TRAF3IP2: variants seen among roughly 807,000 people sequenced by gnomAD.
TRAF3IP2 encodes the protein E3 ubiquitin ligase TRAF3IP2.
In TRAF3IP2, 35 loss-of-function variants were observed where a neutral mutation model predicts 57.9. The observed-to-expected ratio is 0.60, with a 90% CI of 0.46 to 0.80. TRAF3IP2 has a LOEUF of 0.80. Ranked by LOEUF, TRAF3IP2 falls within the 30% of genes least tolerant of loss-of-function variation. The pLI is 0.00. For synonymous variants in TRAF3IP2, 251 were observed against 268.9 expected (o/e 0.93, Z 0.65); for missense variants, 556 against 706.4 (o/e 0.79, Z 2.41).
At chr6:111,577,573 T>C (rs1796027134) in intron 3 of TRAF3IP2, among the ~76,000 whole-genome samples, 1 of 150,834 alleles carries the variant, frequency 6.6e-6, no homozygotes, top group Non-Finnish European at 1.5e-5. Flanking sequence ...ATTATTTTGG[T>C]AGAGATGGGA....
intron 3 of TRAF3IP2, among the ~76,000 whole-genome samples, chr6:111,578,903 A>C (rs1173590215): frequency 1.3e-5 from 2 of 152,244 alleles, no homozygotes; most frequent in African/African-American, 4.8e-5. Flanking sequence ...CTTTTGAGCA[A>C]AAGTAAACAT....
At chr6:111,605,417 CTT>C (rs1796989078) in intron 1 of TRAF3IP2, among the ~76,000 whole-genome samples, 2 of 152,370 alleles carry the variant, frequency 1.3e-5, no homozygotes, top group African/African-American at 2.4e-5. Context: ...CTGGCTCTCT[CTT>C]TGGAGAAGTG....
At chr6:111,595,638 G>C (rs925606885) in intron 1 of TRAF3IP2, among the ~76,000 whole-genome samples, 1 of 152,042 alleles carries the variant, frequency 6.6e-6, no homozygotes. Flanking sequence ...GACCAGCCTG[G>C]CCAACATGGT....
At chr6:111,567,334 C>A in intron 6 of TRAF3IP2, 1 of 1,143,948 alleles carries the variant, frequency 8.7e-7, no homozygotes. Flanking sequence ...TCTCCCCACT[C>A]TCCGCCTTCA....
At chr6:111,601,404 A>G (rs536613921) in intron 1 of TRAF3IP2, 1 of 490,224 alleles carries the variant, frequency 2.0e-6, no homozygotes, top group Non-Finnish European at 3.7e-6. Flanking sequence ...TGGTTGACAG[A>G]GCACCAACAA....
chr6:111,591,268 G>A lies in TRAF3IP2; in HGVS notation c.819C>T (p.His273=), dbSNP rs144405088. 3.3e-5 allele frequency: 49 copies of A among 1,487,604 alleles called. 1 individual carries two copies. The South Asian group carries it at 6.8e-4, about 21-fold the overall frequency. The allele number at this position is 1,487,604 out of a possible 1,614,324, so 92.2% of individuals were successfully genotyped here. A position where few individuals can be genotyped will look rare whatever the true frequency, so the allele number is the denominator to read the frequency against. ...GTAAAGATCACTTACATGGCACCTGGTGATCGGGACTTCCAGGACAATGGT... is the reference window on the plus strand; with the variant it reads ...GTAAAGATCACTTACATGGCACCTGATGATCGGGACTTCCAGGACAATGGT... ...YHYHCPGSPD[H]QVPYGHDYPR... The change falls in exon 2 of 9, where the codon CAC becomes CAT. Residue 273 remains histidine, a synonymous_variant. Transcript: ENST00000368761. This position sits in a 1 kb window ranked among gnomAD's most constrained non-coding sequence, Gnocchi z 4.9.
intron 2 of TRAF3IP2, among the ~76,000 whole-genome samples, chr6:111,585,350 G>A (rs566765970): frequency 1.4e-5 from 2 of 141,862 alleles, no homozygotes; most frequent in Admixed American, 1.4e-4. Context: ...AAAAAAAATG[G>A]CTTTTCCAAG....
intron 4 of TRAF3IP2, 119 bp downstream of exon 4, chr6:111,575,523 GC>G (rs1417176466): frequency 8.7e-7 from 1 of 1,149,256 alleles, no homozygotes; most frequent in Non-Finnish European, 1.2e-6. Flanking sequence ...GGGAGGCGGA[GC>G]TTGCAGTGAG....
At chr6:111,581,502 CT>C (rs1274568501) in intron 2 of TRAF3IP2, among the ~76,000 whole-genome samples, 2 of 152,176 alleles carry the variant, frequency 1.3e-5, no homozygotes, top group Non-Finnish European at 2.9e-5. Context: ...TATTTTGATT[CT>C]TTTAAGATCA....
chr6:111,562,801 C>T (rs1004162324), intron 8 of TRAF3IP2, among the ~76,000 whole-genome samples, 164 bp downstream of exon 8: 1 of 150,298 alleles, frequency 6.7e-6, no homozygotes, highest in South Asian at 2.1e-4. Context: ...GCCAAGGTCA[C>T]GCCATTGCAC....
intron 2 of TRAF3IP2, among the ~76,000 whole-genome samples, chr6:111,589,681 C>A (rs2128381429): frequency 6.6e-6 from 1 of 152,264 alleles, no homozygotes; most frequent in South Asian, 2.1e-4. Context: ...CTTACACCCT[C>A]CTGCTTCCCC....
Position 111,591,800 on chromosome 6 carries a change from C to A in TRAF3IP2, c.287G>T (p.Cys96Phe). 1 of 1,614,262 alleles carries A rather than the reference C, an allele frequency of 6.2e-7. No homozygotes were observed. Among genetic ancestry groups the A allele is most frequent in the Non-Finnish European group, 8.5e-7 (1 of 1,180,050 alleles). ...TTTGCCCAGGCCTGGGTGTCTCCTG[C>A]AGAAACTGTCTTCACTGTCCTCCAG... The part of the protein sequence containing the change: ...QVLEDSEDSF[C>F]RRHPGLGKAF... Residue 96 changes from cysteine (C) to phenylalanine (F), a missense_variant, in exon 2 of 9, where the codon TGC (cysteine) becomes TTC (phenylalanine). By Grantham distance (205) the Cys-to-Phe change is radical. This residue lies in a region of TRAF3IP2 where 428 missense variants were observed against 498.7 expected (regional missense o/e 0.86). Transcript: ENST00000368761. The surrounding 1 kb of genome is among the most constrained non-coding windows in gnomAD (Gnocchi z 4.9).
chr6:111,575,846 A>G, intron 3 of TRAF3IP2, 25 bp from the exon 4 acceptor site: 1 of 1,601,446 alleles, frequency 6.2e-7, no homozygotes, highest in Non-Finnish European at 8.5e-7. Context: ...ATTTACAGTC[A>G]ATTTTCATTC....
intron 1 of TRAF3IP2, among the ~76,000 whole-genome samples, chr6:111,602,569 T>C (rs1796908283): frequency 6.6e-6 from 1 of 152,116 alleles, no homozygotes; most frequent in Admixed American, 6.5e-5. Flanking sequence ...GGAGAGACAC[T>C]TATTTACTTG....
chr6:111,591,523 T>C lies in TRAF3IP2; in HGVS notation c.564A>G (p.Ala188=). 1.2e-6 allele frequency: 2 copies of C among 1,614,038 alleles called. No homozygotes were observed. The highest frequency in any genetic ancestry group is 1.7e-6 in the Non-Finnish European group (2 of 1,179,896). ...TGTCTATGGTTGGCAGATCCAGGCC[T>C]GCTCGGTTCCTGTGAGGCTGGGGCC... is the stretch of plus-strand genomic sequence containing the variant. ...VQRPQPHRNR[A]GLDLPTIDTG... The change falls in exon 2 of 9, where the codon GCA becomes GCG. Residue 188 remains alanine (A), a synonymous_variant. Transcript: ENST00000368761. This position sits in a 1 kb window ranked among gnomAD's most constrained non-coding sequence, Gnocchi z 4.9.
intron 1 of TRAF3IP2, among the ~76,000 whole-genome samples, chr6:111,599,280 G>A (rs1796790174): frequency 6.6e-6 from 1 of 152,070 alleles, no homozygotes; most frequent in Admixed American, 6.6e-5. Context: ...TCTTGGATCT[G>A]ATGGGCATCT....
chr6:111,596,099 C>T (rs921782203), intron 1 of TRAF3IP2, among the ~76,000 whole-genome samples: 5 of 152,108 alleles, frequency 3.3e-5, no homozygotes, highest in Non-Finnish European at 1.5e-5. Context: ...TCTCCCTGGT[C>T]GCACTCCCTA....
rs1426905100 is a variant in TRAF3IP2, at chr6:111,575,661, T to C, written c.1183A>G (p.Asn395Asp). Reference sequence around the variant, plus strand: ...AACTTACGCAATTCTTCTGGCAAATTGCTTGTTTTTAGAGTTCCTCTGGCT... The same window carrying C: ...AACTTACGCAATTCTTCTGGCAAATCGCTTGTTTTTAGAGTTCCTCTGGCT... ...PPARGTLKTS[N>D]LPEELRKVFI... The change falls in exon 4 of 9, where the codon AAT (asparagine) becomes GAT (aspartate). Residue 395 changes from asparagine to aspartate, a missense_variant. This residue lies in a region of TRAF3IP2 where 428 missense variants were observed against 498.7 expected (regional missense o/e 0.86). Transcript: ENST00000368761. 1 of 1,612,224 alleles carries C rather than the reference T, an allele frequency of 6.2e-7. No homozygotes were observed.
chr6:111,575,918 GCT>G, intron 3 of TRAF3IP2, 97 bp from the exon 4 acceptor site: 2 of 1,150,562 alleles, frequency 1.7e-6, no homozygotes, highest in South Asian at 2.8e-5. Context: ...ATCCCAGTGG[GCT>G]CTCTCTCCTC....
Sources: allele counts gnomAD v4.1 joint callset (sites outside exome capture counted in the v4.1 genomes callset), GRCh38; gene constraint gnomAD v4.1.1; regional missense constraint gnomAD v4.1.1; non-coding constraint Gnocchi (gnomAD v3.1); transcripts MANE v1.5; gene names NCBI Gene and HGNC (gene_info 2026-07-23, HGNC 2026-07-21).